The following FRMPD4 variants were observed in gnomAD, a reference collection of about 807,000 sequenced individuals.
FRMPD4 encodes the protein FERM and PDZ domain-containing protein 4.
A neutral mutation model predicts 94.1 loss-of-function variants in FRMPD4; 22 were observed. The observed-to-expected ratio is 0.23, with a 90% CI of 0.17 to 0.33. The LOEUF is 0.33. Among genes scored for constraint, FRMPD4 ranks in the 10% least tolerant of loss-of-function variants. The pLI, the probability that FRMPD4 is intolerant of heterozygous loss-of-function variation, is 1.00. For missense variants in FRMPD4, 1,111 were observed against 1,339.9 expected, an observed-to-expected ratio of 0.83 and a Z score of 2.67; for synonymous variants, 631 against 548.6, an observed-to-expected ratio of 1.15 and a Z score of -2.10.
intron 1 of FRMPD4, among the ~76,000 whole-genome samples, chrX:12,266,064 C>T (rs2054268842): frequency 1.1e-5 from 1 of 89,749 alleles, no homozygotes. Flanking sequence ...ACCCGGGAGG[C>T]GGAGCTTGCA....
chrX:11,923,967 G>A (rs1363400632), intron 3 of FRMPD4, among the ~76,000 whole-genome samples: 3 of 111,793 alleles, frequency 2.7e-5, no homozygotes, highest in African/African-American at 9.8e-5. Flanking sequence ...TTCAGAATAC[G>A]GATAGGAATT....
intron 1 of FRMPD4, among the ~76,000 whole-genome samples, chrX:12,294,972 A>G (rs2054748965): frequency 2.7e-5 from 3 of 112,297 alleles, no homozygotes; most frequent in Non-Finnish European, 5.6e-5. Flanking sequence ...TTATGTAAAC[A>G]CACAGAGATT....
chrX:12,285,472 A>AAGGT (rs1233995722), intron 1 of FRMPD4, among the ~76,000 whole-genome samples: 7 of 111,148 alleles, frequency 6.3e-5, no homozygotes, highest in African/African-American at 2.3e-4. Flanking sequence ...GGAAGTGACT[A>AAGGT]AGAGTCAGAA....
chrX:12,478,197 A>T (rs1261873765), intron 1 of FRMPD4, among the ~76,000 whole-genome samples: 3 of 111,901 alleles, frequency 2.7e-5, no homozygotes, highest in Non-Finnish European at 5.6e-5. Flanking sequence ...AGGAAGAAGG[A>T]GGTCTCTGGA....
In FRMPD4 at chrX:12,195,299, T is replaced by C. The variant is rs773690212; in HGVS notation, c.41+56287T>C. Among the ~76,000 whole-genome samples, 3 of 104,177 alleles carry C rather than the reference T, an allele frequency of 2.9e-5. No homozygotes were observed. The Admixed American group carries it at 2.9e-4, about 10-fold the overall frequency. 90.5% of individuals were successfully genotyped at this position (104,177 alleles called of 115,157 possible). ...TCACAAAGACCACCCACATGTTTGG[T>C]GATTTTTTAGAAGGACCCATGGGAC... On this transcript the variant is annotated intron_variant, in intron 1 of 16. Transcript: ENST00000675598.
At chrX:12,421,998 T>A (rs1296488649) in intron 1 of FRMPD4, among the ~76,000 whole-genome samples, 2 of 112,118 alleles carry the variant, frequency 1.8e-5, no homozygotes, top group African/African-American at 6.5e-5. Flanking sequence ...TCTAACATGT[T>A]TGAATCCTTG....
At chrX:12,624,949 A>G (rs1260029231) in intron 4 of FRMPD4, among the ~76,000 whole-genome samples, 1 of 111,700 alleles carries the variant, frequency 9.0e-6, no homozygotes, top group East Asian at 2.8e-4. Context: ...GAAAAAAAAG[A>G]ATAATCCAAT....
chrX:12,251,547 G>A (rs1225992062), intron 1 of FRMPD4, among the ~76,000 whole-genome samples: 2 of 111,697 alleles, frequency 1.8e-5, no homozygotes, highest in African/African-American at 6.5e-5. Flanking sequence ...GGCTCAGGCC[G>A]AAGCTACCCC....
intron 2 of FRMPD4, among the ~76,000 whole-genome samples, chrX:12,514,871 A>G (rs2058079926): frequency 8.9e-6 from 1 of 111,779 alleles, no homozygotes; most frequent in Admixed American, 9.5e-5. Context: ...TTGGTAGGCT[A>G]TTTATTACTG....
intron 1 of FRMPD4, among the ~76,000 whole-genome samples, chrX:12,411,859 A>C (rs1299631143): frequency 9.0e-6 from 1 of 111,684 alleles, no homozygotes; most frequent in Non-Finnish European, 1.9e-5. Flanking sequence ...AAAAAGGGCA[A>C]AAAGGCCAAG....
At chrX:11,908,162 T>A (rs774159080) in intron 3 of FRMPD4, among the ~76,000 whole-genome samples, 5 of 112,101 alleles carry the variant, frequency 4.5e-5, no homozygotes, top group Non-Finnish European at 9.4e-5. Flanking sequence ...TGCTGACTGC[T>A]CCGTGTGTAG....
intron 1 of FRMPD4, among the ~76,000 whole-genome samples, chrX:11,840,056 CG>C (rs1354331307): frequency 9.0e-6 from 1 of 111,317 alleles, no homozygotes; most frequent in Non-Finnish European, 1.9e-5. Flanking sequence ...AATATTTTAA[CG>C]CTGCATTTCC....
At chrX:12,221,256 T>TTACTCAA (rs1365357115) in intron 1 of FRMPD4, among the ~76,000 whole-genome samples, 4 of 112,335 alleles carry the variant, frequency 3.6e-5, no homozygotes, top group Non-Finnish European at 7.5e-5. Context: ...ACCATCATCT[T>TTACTCAA]TACTCAATTC....
chrX:12,269,910 A>G (rs770675056), intron 1 of FRMPD4, among the ~76,000 whole-genome samples: 2 of 112,626 alleles, frequency 1.8e-5, no homozygotes, highest in African/African-American at 3.2e-5. Flanking sequence ...TATTTGAACC[A>G]TGTTTAACTT....
chrX:11,917,935 G>C (rs1385129189), intron 3 of FRMPD4, among the ~76,000 whole-genome samples: 2 of 110,417 alleles, frequency 1.8e-5, no homozygotes, highest in Non-Finnish European at 3.8e-5. Context: ...ACACTGTTCT[G>C]TGAAAATGTA....
rs181743733 is a variant in FRMPD4, at chrX:12,694,266, C to T, written c.814-69C>T. ...CTTAGTGTCCAAAAAAAGTCGACTG[C>T]TTCAGTGTCCCTCAGCCATTTCTCA... On this transcript the variant is annotated intron_variant, in intron 8 of 16. Transcript: ENST00000675598. 606 of 960,604 alleles carry T rather than the reference C, an allele frequency of 6.3e-4. 10 individuals are homozygous for T. In the African/African-American group the frequency reaches 1.0e-2, roughly 16 times the overall value. The allele number at this position is 960,604 out of a possible 1,213,427, so 79.2% of individuals were successfully genotyped here.
chrX:12,585,207 G>A (rs2058915148), intron 2 of FRMPD4, among the ~76,000 whole-genome samples: 1 of 92,889 alleles, frequency 1.1e-5, no homozygotes, highest in South Asian at 5.5e-4. Flanking sequence ...CGTCAGCACC[G>A]CGCCTAGCCA....
At chrX:11,953,813 A>G (rs1385535758) in intron 3 of FRMPD4, among the ~76,000 whole-genome samples, 1 of 111,912 alleles carries the variant, frequency 8.9e-6, no homozygotes, top group Non-Finnish European at 1.9e-5. Flanking sequence ...TTTTATCCAG[A>G]TTAGTCAGGG....
At chrX:12,486,633 C>A (rs1467229023) in intron 1 of FRMPD4, among the ~76,000 whole-genome samples, 1 of 112,518 alleles carries the variant, frequency 8.9e-6, no homozygotes, top group Non-Finnish European at 1.9e-5. Flanking sequence ...GTCTTCCGTA[C>A]TGTGGAAATC....
Sources: gnomAD v4.1 joint callset for allele counts (sites outside exome capture counted in the v4.1 genomes callset) on GRCh38, gnomAD v4.1.1 for gene constraint, MANE v1.5 for transcripts, NCBI Gene and HGNC (gene_info 2026-07-23, HGNC 2026-07-21) for gene names.